CACNA2D3: variants seen among roughly 807,000 people sequenced by gnomAD.
The protein encoded by CACNA2D3 is voltage-dependent calcium channel subunit alpha-2/delta-3.
Under a neutral mutation model 160.6 loss-of-function variants are expected in CACNA2D3, and 60 were observed. The ratio of observed to expected loss-of-function variants is 0.37; its 90% confidence interval spans 0.30 to 0.46. The LOEUF (loss-of-function observed/expected upper bound fraction) is 0.46, where lower values mean the gene tolerates loss of function less well. Among genes scored for constraint, CACNA2D3 ranks in the 20% least tolerant of loss-of-function variants. CACNA2D3 has a pLI of 1.00. For missense variants in CACNA2D3, 1,205 were observed against 1,365.0 expected, an observed-to-expected ratio of 0.88 and a Z score of 1.85; for synonymous variants, 558 against 492.9, an observed-to-expected ratio of 1.13 and a Z score of -1.75.
intron 4 of CACNA2D3, among the ~76,000 whole-genome samples, chr3:54,453,283 G>A (rs1201340940): frequency 6.6e-6 from 1 of 152,132 alleles, no homozygotes; most frequent in Non-Finnish European, 1.5e-5. Flanking sequence ...ATGAGCCACT[G>A]TGCCCAGCCT....
At chr3:54,742,078 G>C (rs1701661882) in intron 11 of CACNA2D3, among the ~76,000 whole-genome samples, 1 of 151,974 alleles carries the variant, frequency 6.6e-6, no homozygotes. Context: ...TGTTGCCCAG[G>C]CTGGTTTCGA....
At chr3:54,722,049 A>G (rs532247867) in intron 11 of CACNA2D3, among the ~76,000 whole-genome samples, 218 of 152,280 alleles carry the variant, frequency 1.4e-3, no homozygotes, top group Middle Eastern at 3.4e-3. Context: ...AGGTACACCA[A>G]TCAAATGTAG....
chr3:54,215,842 G>A (rs1003653230), intron 2 of CACNA2D3, among the ~76,000 whole-genome samples: 4 of 151,904 alleles, frequency 2.6e-5, no homozygotes, highest in Non-Finnish European at 4.4e-5. Context: ...CCCATTCAAG[G>A]GCTAAGCTCT....
chr3:54,485,955 C>G (rs999522608), intron 4 of CACNA2D3, among the ~76,000 whole-genome samples: 1 of 152,182 alleles, frequency 6.6e-6, no homozygotes, highest in South Asian at 2.1e-4. Context: ...CAACTTGACT[C>G]CTTTGCTTCC....
At chr3:54,885,674 G>C in intron 23 of CACNA2D3, 88 bp downstream of exon 23, 1 of 896,626 alleles carries the variant, frequency 1.1e-6, no homozygotes, top group South Asian at 1.4e-5. Flanking sequence ...CTTGTTAAGG[G>C]AAGCTTTGCT....
chr3:54,475,049 G>T (rs1700804775), intron 4 of CACNA2D3, among the ~76,000 whole-genome samples: 1 of 152,112 alleles, frequency 6.6e-6, no homozygotes, highest in South Asian at 2.1e-4. Context: ...CAGACTCTTG[G>T]GAGAACTGAA....
chr3:55,060,022 TTG>T (rs1575457512), intron 35 of CACNA2D3, among the ~76,000 whole-genome samples: 1 of 151,964 alleles, frequency 6.6e-6, no homozygotes, highest in East Asian at 1.9e-4. Flanking sequence ...GAGGCAATAT[TTG>T]GGTGCAAAAA....
chr3:54,686,553 A>G lies in CACNA2D3; in HGVS notation c.1167+44312A>G, dbSNP rs565049716. 3.3e-5 allele frequency among the ~76,000 whole-genome samples: 5 copies of G among 152,362 alleles called. No individual in the cohort carries two copies. In the South Asian group the frequency reaches 6.2e-4, roughly 19 times the overall value. ...CAGTGTAGTAGGTTTTAGATACTCT[A>G]TAATTTAGGCTTAGTACATGGCTAT... On this transcript the variant is annotated intron_variant, in intron 11 of 37. Transcript: ENST00000474759.
rs544534834 is a variant in CACNA2D3, at chr3:54,496,568, C to T, written c.382-6924C>T. 9.3e-4 allele frequency among the ~76,000 whole-genome samples: 142 copies of T among 152,188 alleles called. 1 individual carries two copies. The highest frequency in any genetic ancestry group is 1.6e-3 in the Non-Finnish European group (109 of 67,980). On this transcript the variant is annotated intron_variant, in intron 4 of 37. Coordinates refer to ENST00000474759, the MANE Select transcript of CACNA2D3 (RefSeq NM_018398.3). Reference sequence around the variant, plus strand: ...GGTCATTTTTCAGATGTGTGTATTACGAATACTTTTTCCTGAACCGTGGCT... The same window carrying T: ...GGTCATTTTTCAGATGTGTGTATTATGAATACTTTTTCCTGAACCGTGGCT...
intron 2 of CACNA2D3, among the ~76,000 whole-genome samples, chr3:54,274,245 G>A (rs780182703): frequency 4.1e-5 from 6 of 145,632 alleles, no homozygotes; most frequent in Non-Finnish European, 6.1e-5. Context: ...ATACGGAAAT[G>A]TATAAAGTAG....
At chr3:54,433,996 G>A (rs1397198710) in intron 4 of CACNA2D3, among the ~76,000 whole-genome samples, 3 of 152,168 alleles carry the variant, frequency 2.0e-5, no homozygotes, top group Non-Finnish European at 4.4e-5. Flanking sequence ...AATGAGCAAG[G>A]AGCTAATCGT....
At chr3:54,574,588 A>G (rs556770889) in intron 8 of CACNA2D3, among the ~76,000 whole-genome samples, 1 of 152,336 alleles carries the variant, frequency 6.6e-6, no homozygotes, top group Non-Finnish European at 1.5e-5. Flanking sequence ...TTGAAGTTAA[A>G]ATTTTAAGGT....
Position 55,073,866 on chromosome 3 carries a change from C to T in CACNA2D3, c.3183+7C>T. 2 of 1,609,886 alleles carry T rather than the reference C, an allele frequency of 1.2e-6. No homozygotes were observed. The highest frequency in any genetic ancestry group is 1.7e-6 in the Non-Finnish European group (2 of 1,176,484). Reference sequence around the variant, plus strand: ...TCATGGCTTCCATCCTGAGGTAAGTCTGAGAACTGTTCCTGTTTCCTTTTC... The same window carrying T: ...TCATGGCTTCCATCCTGAGGTAAGTTTGAGAACTGTTCCTGTTTCCTTTTC... On this transcript the variant is annotated splice_region_variant and intron_variant, in intron 37 of 37. Coordinates refer to ENST00000474759, the MANE Select transcript of CACNA2D3 (RefSeq NM_018398.3).
intron 4 of CACNA2D3, among the ~76,000 whole-genome samples, chr3:54,484,578 C>G (rs893041606): frequency 6.6e-6 from 1 of 152,122 alleles, no homozygotes; most frequent in Non-Finnish European, 1.5e-5. Context: ...GAGAGTAAAT[C>G]ACCGGGGCAA....
chr3:54,245,227 A>T lies in CACNA2D3; in HGVS notation c.205-75215A>T, dbSNP rs552949501. Among the ~76,000 whole-genome samples, 35 of 152,114 alleles carry T rather than the reference A, an allele frequency of 2.3e-4. 1 individual carries two copies. Among genetic ancestry groups the T allele is most frequent in the African/African-American group, 8.2e-4 (34 of 41,476 alleles). On this transcript the variant is annotated intron_variant, in intron 2 of 37. Coordinates refer to ENST00000474759, the MANE Select transcript of CACNA2D3 (RefSeq NM_018398.3). The stretch of plus-strand genomic sequence containing the variant: ...CACAGTCTTTTTATTTTTTTTTTAA[A>T]AAATTTAAATTTAATTTTAAGTTCC...
chr3:54,262,685 G>A (rs934845156), intron 2 of CACNA2D3, among the ~76,000 whole-genome samples: 6 of 152,148 alleles, frequency 3.9e-5, no homozygotes, highest in African/African-American at 1.2e-4. Flanking sequence ...TTGGAGCTGG[G>A]GGACACAGGG....
chr3:54,456,899 A>G (rs1404346354), intron 4 of CACNA2D3, among the ~76,000 whole-genome samples: 2 of 151,748 alleles, frequency 1.3e-5, no homozygotes, highest in African/African-American at 2.4e-5. Flanking sequence ...AGTTGCTTAT[A>G]GTGGTCTGTA....
chr3:55,052,773 G>C (rs1704259029), intron 35 of CACNA2D3, among the ~76,000 whole-genome samples: 1 of 152,064 alleles, frequency 6.6e-6, no homozygotes, highest in African/African-American at 2.4e-5. Flanking sequence ...TTGTTCTGAA[G>C]TACGCTTTGT....
At chr3:55,023,590 A>G (rs116762556) in intron 35 of CACNA2D3, among the ~76,000 whole-genome samples, 3 of 152,050 alleles carry the variant, frequency 2.0e-5, no homozygotes, top group East Asian at 1.9e-4. Context: ...TTATTGGCTC[A>G]TGTATTTTGT....
Sources: allele counts gnomAD v4.1 joint callset (sites outside exome capture counted in the v4.1 genomes callset), GRCh38; gene constraint gnomAD v4.1.1; transcripts MANE v1.5; gene names NCBI Gene and HGNC (gene_info 2026-07-23, HGNC 2026-07-21).